The following NFX1 variants were observed in gnomAD, a reference collection of about 807,000 sequenced individuals.
NFX1 encodes nuclear transcription factor, X-box binding 1, also known as transcriptional repressor NF-X1.
In NFX1, 69 loss-of-function variants were observed where a neutral mutation model predicts 137.2. That is an observed-to-expected ratio of 0.50 (90% CI 0.41 to 0.61). The LOEUF is 0.61. NFX1 is among the 20% of genes least tolerant of loss of function. The probability of loss-of-function intolerance (pLI) is 0.00; values close to 1 mark genes in which losing one functional copy is unlikely to be tolerated. For missense variants in NFX1, 1,167 were observed against 1,391.0 expected (o/e 0.84, Z 2.56); for synonymous variants, 495 against 474.1 (o/e 1.04, Z -0.57).
intron 14 of NFX1, among the ~76,000 whole-genome samples, 160 bp from the exon 15 acceptor site, chr9:33,346,878 A>G (rs1823439768): frequency 6.6e-6 from 1 of 152,208 alleles, no homozygotes; most frequent in South Asian, 2.1e-4. Flanking sequence ...ACACTTTAAC[A>G]TAAAGCAAGG....
At position 33,344,107 on chromosome 9, in the gene NFX1, A is replaced by G. The variant is rs1823324602; in HGVS notation, c.2263A>G (p.Ile755Val). The change falls in exon 14 of 24, where the codon ATT becomes GTT. Residue 755 changes from isoleucine to valine, a missense_variant. Coordinates refer to ENST00000379540, the MANE Select transcript of NFX1 (RefSeq NM_002504.6). Reference sequence around the variant, plus strand: ...AACCTGCCATTGTGGTGCATCAGTGATTTACCCTCCAGTTCCCTGTGGTAC... The same window carrying G: ...AACCTGCCATTGTGGTGCATCAGTGGTTTACCCTCCAGTTCCCTGTGGTAC... ...ELTCHCGASV[I>V]YPPVPCGTRP... 1.2e-6 allele frequency: 2 copies of G among 1,614,060 alleles called. No homozygotes were observed.
At chr9:33,369,610 A>T (rs1421899008) in intron 23 of NFX1, among the ~76,000 whole-genome samples, 1 of 152,234 alleles carries the variant, frequency 6.6e-6, no homozygotes, top group East Asian at 1.9e-4. Context: ...TCATCATCAT[A>T]TATGAAATCC....
At position 33,370,104 on chromosome 9, in the gene NFX1, A is replaced by T; in HGVS notation, c.*126A>T. The T allele has an allele frequency of 1.5e-6, 1 of 671,810 alleles. No individual in the cohort carries two copies. The highest frequency in any genetic ancestry group is 2.6e-6 in the Non-Finnish European group (1 of 389,822). The allele number at this position is 671,810 out of a possible 1,614,324, so 41.6% of individuals were successfully genotyped here. ...CAGTCTCACATACTGTCTTGTACTGACACATCCAAAGCATGAGTGTGTCAG... is the reference window on the plus strand; with the variant it reads ...CAGTCTCACATACTGTCTTGTACTGTCACATCCAAAGCATGAGTGTGTCAG... On this transcript the variant is annotated 3_prime_UTR_variant, in exon 24 of 24. Transcript: ENST00000379540.
intron 6 of NFX1, among the ~76,000 whole-genome samples, chr9:33,313,284 A>C (rs1768879013): frequency 6.6e-6 from 1 of 152,136 alleles, no homozygotes; most frequent in African/African-American, 2.4e-5. Flanking sequence ...AAAAAGAAAA[A>C]GGAGGAGAAA....
chr9:33,339,939 C>T (rs1823156966), intron 12 of NFX1, among the ~76,000 whole-genome samples: 1 of 152,246 alleles, frequency 6.6e-6, no homozygotes, highest in African/African-American at 2.4e-5. Context: ...GCCCATGTGG[C>T]TTTGCAGTGT....
At chr9:33,323,565 C>T (rs528554307) in intron 9 of NFX1, among the ~76,000 whole-genome samples, 47 of 151,780 alleles carry the variant, frequency 3.1e-4, no homozygotes, top group African/African-American at 1.1e-3. Context: ...CCAGCCTGGC[C>T]GACATGGTGA....
chr9:33,359,419 T>C (rs1823921196), intron 19 of NFX1, among the ~76,000 whole-genome samples: 1 of 152,168 alleles, frequency 6.6e-6, no homozygotes, highest in African/African-American at 2.4e-5. Flanking sequence ...GTCAACATGG[T>C]GAAACCCTGT....
At chr9:33,297,768 T>G (rs988109516) in intron 2 of NFX1, among the ~76,000 whole-genome samples, 6 of 152,206 alleles carry the variant, frequency 3.9e-5, no homozygotes, top group African/African-American at 1.4e-4. Flanking sequence ...ATAGTTTGCT[T>G]CTTTGAGGCC....
At chr9:33,359,455 C>T (rs758297806) in intron 19 of NFX1, among the ~76,000 whole-genome samples, 5 of 152,012 alleles carry the variant, frequency 3.3e-5, no homozygotes, top group Non-Finnish European at 4.4e-5. Context: ...AAAAATTAGC[C>T]GGGCATGGTG....
intron 1 of NFX1, among the ~76,000 whole-genome samples, chr9:33,292,025 T>A (rs1821181204): frequency 6.6e-6 from 1 of 152,226 alleles, no homozygotes; most frequent in Non-Finnish European, 1.5e-5. Context: ...CACCTAGTCC[T>A]TCACCAGATT....
Position 33,344,134 on chromosome 9 carries a change from A to G in NFX1, c.2290A>G (p.Arg764Gly). 6.2e-7 allele frequency: 1 copy of G among 1,614,100 alleles called. No homozygotes were observed. Among genetic ancestry groups the G allele is most frequent in the Non-Finnish European group, 8.5e-7 (1 of 1,179,968 alleles). ...TTACCCTCCAGTTCCCTGTGGTACT[A>G]GGCCCCCTGAATGTACCCAAACCTG... ...VIYPPVPCGT[R>G]PPECTQTCAR... Residue 764 changes from arginine to glycine, a missense_variant, in exon 14 of 24, where the codon AGG (arginine) becomes GGG (glycine). Physicochemically the swap from Arg to Gly is moderately radical, Grantham distance 125. Around this residue, in one of 3 missense-constraint regions of NFX1, gnomAD observed 488 missense variants for 691.5 expected, o/e 0.71. Coordinates refer to ENST00000379540, the MANE Select transcript of NFX1 (RefSeq NM_002504.6).
chr9:33,319,583 C>T (rs1423217834), intron 9 of NFX1, among the ~76,000 whole-genome samples: 1 of 152,158 alleles, frequency 6.6e-6, no homozygotes, highest in Non-Finnish European at 1.5e-5. Flanking sequence ...GATCTCAGCT[C>T]ACTGCAGCCT....
chr9:33,306,821 T>C (rs1342329069), intron 4 of NFX1, among the ~76,000 whole-genome samples: 1 of 152,210 alleles, frequency 6.6e-6, no homozygotes, highest in Non-Finnish European at 1.5e-5. Context: ...TCTTCTCTTA[T>C]TCCCTCTCTC....
At chr9:33,369,772 G>A in intron 23 of NFX1, 134 bp from the exon 24 acceptor site, 1 of 734,210 alleles carries the variant, frequency 1.4e-6, no homozygotes, top group Non-Finnish European at 2.2e-6. Context: ...AGGAAAAAAA[G>A]TAAGACTAAA....
In NFX1 at chr9:33,351,714, G is replaced by A. The variant is rs371626249; in HGVS notation, c.2579G>A (p.Arg860Lys). 184 of 1,613,802 alleles carry A rather than the reference G, an allele frequency of 1.1e-4. No homozygotes were observed. The highest frequency in any genetic ancestry group is 1.5e-4 in the Non-Finnish European group (180 of 1,179,928). ...TGCAAGCAGCCCTGCACCACCCCCA[G>A]AGCTGACTGTGGTCACCCGTGTATG... ...EPCKQPCTTP[R>K]ADCGHPCMAP... Residue 860 changes from arginine to lysine, a missense_variant, in exon 16 of 24, where the codon AGA (arginine) becomes AAA (lysine). Arg to Lys is a conservative substitution (Grantham distance 26). Transcript: ENST00000379540.
intron 11 of NFX1, among the ~76,000 whole-genome samples, chr9:33,336,917 C>T (rs1823026932): frequency 6.6e-6 from 1 of 152,216 alleles, no homozygotes; most frequent in South Asian, 2.1e-4. Context: ...GCCTGGCCAA[C>T]AAGGTGAAAC....
chr9:33,366,543 C>A, intron 21 of NFX1, 86 bp from the exon 22 acceptor site: 1 of 1,511,594 alleles, frequency 6.6e-7, no homozygotes, highest in South Asian at 1.2e-5. Flanking sequence ...TTATTGATCC[C>A]TGCAATTCTT....
At position 33,367,512 on chromosome 9, in the gene NFX1, C is replaced by G; in HGVS notation, c.3186-3C>G. On this transcript the variant is annotated splice_region_variant and splice_polypyrimidine_tract_variant and intron_variant, in intron 22 of 23. Coordinates refer to ENST00000379540, the MANE Select transcript of NFX1 (RefSeq NM_002504.6). ...CAATGCTTGGTGTTTTGACTTTTAT[C>G]AGGGGGAAGTCCGTTTGTCCTCCTA... 1 of 1,613,554 alleles carries G rather than the reference C, an allele frequency of 6.2e-7. No individual in the cohort carries two copies. The highest frequency in any genetic ancestry group is 8.5e-7 in the Non-Finnish European group (1 of 1,179,626).
chr9:33,335,066 A>T (rs1427392297), intron 11 of NFX1, among the ~76,000 whole-genome samples: 1 of 152,206 alleles, frequency 6.6e-6, no homozygotes, highest in Non-Finnish European at 1.5e-5. Context: ...ACCCATAAAT[A>T]CTTCAGTGGT....
Sources: allele counts gnomAD v4.1 joint callset (sites outside exome capture counted in the v4.1 genomes callset), GRCh38; gene constraint gnomAD v4.1.1; regional missense constraint gnomAD v4.1.1; transcripts MANE v1.5; gene names NCBI Gene and HGNC (gene_info 2026-07-23, HGNC 2026-07-21).